The following LRRC4C variants were observed in gnomAD, a reference collection of about 807,000 sequenced individuals.
LRRC4C encodes the protein leucine rich repeat containing 4C.
LRRC4C carries 5 observed loss-of-function variants against 33.6 expected under a neutral mutation model. The ratio of observed to expected loss-of-function variants is 0.15; its 90% CI spans 0.08 to 0.31. The LOEUF is 0.31. Ranked by LOEUF, LRRC4C falls within the 10% of genes least tolerant of loss-of-function variation. The pLI, the probability that LRRC4C is intolerant of heterozygous loss-of-function variation, is 1.00. For synonymous variants in LRRC4C, 329 were observed against 302.0 expected (o/e 1.09, Z -0.93); for missense variants, 560 against 796.7 (o/e 0.70, Z 3.58).
At chr11:41,348,658 G>T (rs1951875678) in intron 1 of LRRC4C, among the ~76,000 whole-genome samples, 1 of 152,004 alleles carries the variant, frequency 6.6e-6, no homozygotes, top group Non-Finnish European at 1.5e-5. Flanking sequence ...AAGTCATTGA[G>T]AATGGATGGA....
chr11:40,867,644 T>C (rs761121270), intron 2 of LRRC4C, among the ~76,000 whole-genome samples: 3 of 152,208 alleles, frequency 2.0e-5, no homozygotes, highest in African/African-American at 7.2e-5. Context: ...TAGCATTATG[T>C]TAACAGAGAA....
intron 1 of LRRC4C, among the ~76,000 whole-genome samples, chr11:40,943,583 T>A (rs1211451164): frequency 6.6e-6 from 1 of 152,184 alleles, no homozygotes; most frequent in Non-Finnish European, 1.5e-5. Flanking sequence ...ATTCAGTTCA[T>A]TTAGACAGAG....
chr11:40,680,547 T>C (rs1207205481), intron 2 of LRRC4C, among the ~76,000 whole-genome samples: 1 of 152,152 alleles, frequency 6.6e-6, no homozygotes, highest in East Asian at 1.9e-4. Context: ...CCCATGCTGT[T>C]CTCGTGATAC....
intron 3 of LRRC4C, chr11:40,446,078 C>T (rs1468415254): frequency 6.6e-6 from 1 of 152,196 alleles, no homozygotes; most frequent in Admixed American, 6.5e-5. Context: ...TTACATATCT[C>T]TTGGGACATG....
intron 1 of LRRC4C, among the ~76,000 whole-genome samples, chr11:41,417,232 G>T (rs1289673437): frequency 2.6e-5 from 4 of 152,024 alleles, no homozygotes; most frequent in Non-Finnish European, 5.9e-5. Flanking sequence ...GGATATAAAT[G>T]AAAAACAGTG....
chr11:40,761,952 T>C (rs1196323132), intron 2 of LRRC4C, among the ~76,000 whole-genome samples: 1 of 152,130 alleles, frequency 6.6e-6, no homozygotes, highest in Non-Finnish European at 1.5e-5. Flanking sequence ...TTGTCATACT[T>C]GAGAACTTCA....
chr11:41,221,344 C>T (rs566828097), intron 1 of LRRC4C, among the ~76,000 whole-genome samples: 2 of 148,854 alleles, frequency 1.3e-5, no homozygotes, highest in Admixed American at 6.7e-5. Context: ...AATCAAAACA[C>T]GATGAGATAC....
At position 40,283,511 on chromosome 11, in the gene LRRC4C, A is replaced by T. The variant is rs569803362; in HGVS notation, c.-176+36117T>A. Among the ~76,000 whole-genome samples the T allele has an allele frequency of 9.8e-4, 149 of 152,174 alleles. No individual in the cohort carries two copies. The South Asian group carries it at 0.012, about 13-fold the overall frequency. The stretch of plus-strand genomic sequence containing the variant: ...AAAATAATAAAACTTAATCTTAACA[A>T]TAAGAATATTGGGAAAATAATGGCC... On this transcript the variant is annotated intron_variant, in intron 4 of 6. Coordinates refer to ENST00000528697, the MANE Select transcript of LRRC4C (RefSeq NM_001258419.2).
intron 3 of LRRC4C, among the ~76,000 whole-genome samples, chr11:40,357,138 C>A (rs1039374545): frequency 1.3e-5 from 2 of 152,012 alleles, no homozygotes; most frequent in African/African-American, 2.4e-5. Context: ...TTAATACTGA[C>A]ATTATTTTGA....
At chr11:40,751,672 C>T (rs554465688) in intron 2 of LRRC4C, among the ~76,000 whole-genome samples, 1 of 152,206 alleles carries the variant, frequency 6.6e-6, no homozygotes, top group African/African-American at 2.4e-5. Flanking sequence ...AACGATCATA[C>T]TGCCCAAAGC....
At chr11:40,798,099 G>T (rs756794421) in intron 2 of LRRC4C, among the ~76,000 whole-genome samples, 9 of 152,152 alleles carry the variant, frequency 5.9e-5, no homozygotes, top group Non-Finnish European at 1.2e-4. Flanking sequence ...TCCCTTACTT[G>T]AAAGAGTCCC....
At chr11:40,894,915 C>T (rs1955871387) in intron 2 of LRRC4C, among the ~76,000 whole-genome samples, 1 of 152,022 alleles carries the variant, frequency 6.6e-6, no homozygotes, top group Admixed American at 6.6e-5. Flanking sequence ...CTTATCTGAG[C>T]CATCTTTTTG....
chr11:41,199,614 C>T (rs1362124017), intron 1 of LRRC4C, among the ~76,000 whole-genome samples: 1 of 152,098 alleles, frequency 6.6e-6, no homozygotes. Context: ...GCTGCGATAT[C>T]TGCTAGAAAT....
intron 3 of LRRC4C, among the ~76,000 whole-genome samples, chr11:40,515,879 AC>A (rs1955539734): frequency 6.6e-6 from 1 of 152,060 alleles, no homozygotes; most frequent in Non-Finnish European, 1.5e-5. Flanking sequence ...GATTAAGTAT[AC>A]TATTAAATTT....
intron 1 of LRRC4C, among the ~76,000 whole-genome samples, chr11:41,206,595 G>A (rs1263950166): frequency 6.6e-6 from 1 of 152,092 alleles, no homozygotes; most frequent in Non-Finnish European, 1.5e-5. Flanking sequence ...TGCCCTTTGA[G>A]TGCCCCAGGC....
At chr11:41,019,161 G>T (rs11036193) in intron 1 of LRRC4C, among the ~76,000 whole-genome samples, 50,091 of 151,686 alleles carry the variant, frequency 0.33, 8,616 homozygotes, top group African/African-American at 0.38. Flanking sequence ...TGTCCTCTAA[G>T]TTCCCTCCCC....
rs60671406 is a variant in LRRC4C, at chr11:41,316,262, C to CAAAAAAAAAAAAAAAAAAAA, written c.-496+143168_-496+143169insTTTTTTTTTTTTTTTTTTTT. ...GAAACCAGTAAAAATCTCTGGATGG[C>CAAAAAAAAAAAAAAAAAAAA]AAAAAAAAAAAAAAAAACAAAAAAA... On this transcript the variant is annotated intron_variant, in intron 1 of 6. Transcript: ENST00000528697. Among the ~76,000 whole-genome samples, 15 of 78,012 alleles carry CAAAAAAAAAAAAAAAAAAAA rather than the reference C, an allele frequency of 1.9e-4. 1 individual carries two copies. The highest frequency in any genetic ancestry group is 6.3e-4 in the East Asian group (1 of 1,584). The allele number at this position is 78,012 out of a possible 152,430, so 51.2% of individuals were successfully genotyped here. A position where few individuals can be genotyped will look rare whatever the true frequency, so the allele number is the denominator to read the frequency against.
intron 3 of LRRC4C, among the ~76,000 whole-genome samples, chr11:40,482,800 AG>A (rs1436618505): frequency 6.6e-6 from 1 of 152,160 alleles, no homozygotes; most frequent in African/African-American, 2.4e-5. Flanking sequence ...AAGAATACAA[AG>A]AACCTAAATA....
At chr11:40,508,538 G>T (rs947005120) in intron 3 of LRRC4C, among the ~76,000 whole-genome samples, 1 of 152,106 alleles carries the variant, frequency 6.6e-6, no homozygotes, top group African/African-American at 2.4e-5. Flanking sequence ...TACTCACCAG[G>T]CCAGAATGAA....
Sources: allele counts gnomAD v4.1 joint callset (sites outside exome capture counted in the v4.1 genomes callset), GRCh38; gene constraint gnomAD v4.1.1; transcripts MANE v1.5; gene names NCBI Gene and HGNC (gene_info 2026-07-23, HGNC 2026-07-21).